Variants in PCDHGA1 observed in about 807,000 individuals in gnomAD.
PCDHGA1 encodes protocadherin gamma-A1.
Under a neutral mutation model 58.0 loss-of-function variants are expected in PCDHGA1, and 32 were observed. That is an observed-to-expected ratio of 0.55 (90% confidence interval 0.42 to 0.74). The LOEUF is 0.74. Ranked by LOEUF, PCDHGA1 falls within the 30% of genes least tolerant of loss-of-function variation. The pLI, the probability that PCDHGA1 is intolerant of heterozygous loss-of-function variation, is 0.00. For missense variants in PCDHGA1, 1,205 were observed against 1,182.3 expected (o/e 1.02, Z -0.28); for synonymous variants, 498 against 501.1 (o/e 0.99, Z 0.08).
At chr5:141,339,632 G>A in intron 1 of PCDHGA1, 1 of 1,614,194 alleles carries the variant, frequency 6.2e-7, no homozygotes, top group South Asian at 1.1e-5. Flanking sequence ...GGGTGACCCA[G>A]TGCTATCTGG....
intron 1 of PCDHGA1, among the ~76,000 whole-genome samples, chr5:141,382,367 C>T (rs778668401): frequency 8.6e-5 from 13 of 151,894 alleles, no homozygotes; most frequent in African/African-American, 3.1e-4. Flanking sequence ...TAAAATTTAC[C>T]TTTTTGCCTT....
At chr5:141,352,364 G>A (rs758290229) in intron 1 of PCDHGA1, 1 of 1,613,988 alleles carries the variant, frequency 6.2e-7, no homozygotes, top group South Asian at 1.1e-5. Flanking sequence ...CTTTCTCCTC[G>A]CGGTGATTCT....
chr5:141,399,610 C>T, intron 1 of PCDHGA1: 1 of 1,613,946 alleles, frequency 6.2e-7, no homozygotes, highest in Non-Finnish European at 8.5e-7. Flanking sequence ...CCTAGAGCCT[C>T]TGGCACTGGC....
intron 1 of PCDHGA1, chr5:141,339,668 C>G (rs747182196): frequency 6.2e-7 from 1 of 1,614,210 alleles, no homozygotes; most frequent in Non-Finnish European, 8.5e-7. Flanking sequence ...CGTGAAGGTC[C>G]TGGATGCGAA....
chr5:141,423,864 G>A (rs180692491), intron 1 of PCDHGA1: 551 of 1,284,224 alleles, frequency 4.3e-4, no homozygotes, highest in Non-Finnish European at 5.0e-4. Context: ...TTTTGTGAAA[G>A]TCATTTTTCA....
chr5:141,399,195 G>A (rs773731727), intron 1 of PCDHGA1: 5 of 1,613,852 alleles, frequency 3.1e-6, no homozygotes, highest in Non-Finnish European at 4.2e-6. Context: ...TGGAAAACGC[G>A]GTGCCTGGAA....
intron 1 of PCDHGA1, chr5:141,361,636 A>C (rs767493690): frequency 3.1e-6 from 5 of 1,613,756 alleles, no homozygotes; most frequent in East Asian, 2.2e-5. Flanking sequence ...GCCGCGGGAG[A>C]TTTTATCCTA....
rs1203319140 is a variant in PCDHGA1, at chr5:141,357,321, T to C, written c.2421+24216T>C. 3 of 1,613,998 alleles carry C rather than the reference T, an allele frequency of 1.9e-6. No individual in the cohort carries two copies. In the African/African-American group the frequency reaches 4.0e-5, roughly 22 times the overall value. On this transcript the variant is annotated intron_variant, in intron 1 of 3. Coordinates refer to ENST00000517417, the MANE Select transcript of PCDHGA1 (RefSeq NM_018912.3). ...CTGTCTCCTGCGTCTTCCTGGCTTT[T>C]GTCACGGTGCTGCTAGCACTCAAGC...
chr5:141,452,133 A>C (rs2098734490), intron 1 of PCDHGA1, among the ~76,000 whole-genome samples: 1 of 152,136 alleles, frequency 6.6e-6, no homozygotes, highest in Admixed American at 6.5e-5. Flanking sequence ...TATATGGCTC[A>C]TGTGTTTTTT....
Position 141,375,861 on chromosome 5 carries a change from C to A in PCDHGA1, c.2421+42756C>A, listed in dbSNP as rs567912144. 1.5e-5 allele frequency: 24 copies of A among 1,613,986 alleles called. 2 individuals are homozygous for A. In the South Asian group the frequency reaches 2.0e-4, roughly 13 times the overall value. On this transcript the variant is annotated intron_variant, in intron 1 of 3. Coordinates refer to ENST00000517417, the MANE Select transcript of PCDHGA1 (RefSeq NM_018912.3). ...GGCTACCTGGTGACCAAGGTGGTGG[C>A]GGTGGACAGAGACTCGGGCCAGAAC...
chr5:141,494,643 AG>A, intron 1 of PCDHGA1, 163 bp from the exon 2 acceptor site: 1 of 928,048 alleles, frequency 1.1e-6, no homozygotes, highest in Non-Finnish European at 1.3e-6. Flanking sequence ...CTGAGACCTG[AG>A]GTGTATTTTG....
intron 1 of PCDHGA1, chr5:141,421,399 C>T (rs777999539): frequency 1.2e-6 from 2 of 1,613,928 alleles, no homozygotes; most frequent in East Asian, 2.2e-5. Flanking sequence ...GCTGGAGCCC[C>T]GGGAGCTGGC....
intron 1 of PCDHGA1, chr5:141,356,486 C>T (rs978605314): frequency 1.2e-6 from 2 of 1,613,992 alleles, no homozygotes; most frequent in South Asian, 1.1e-5. Flanking sequence ...GACCAGGGAA[C>T]TCCTCCACTG....
intron 1 of PCDHGA1, chr5:141,409,276 G>T: frequency 6.2e-7 from 1 of 1,614,000 alleles, no homozygotes; most frequent in Non-Finnish European, 8.5e-7. Flanking sequence ...AGATTTTGGA[G>T]AATTCACCTC....
At chr5:141,345,189 G>A in intron 1 of PCDHGA1, 1 of 1,613,922 alleles carries the variant, frequency 6.2e-7, no homozygotes, top group Non-Finnish European at 8.5e-7. Context: ...TGAAGTTTTT[G>A]TCCTGGGAAA....
intron 1 of PCDHGA1, among the ~76,000 whole-genome samples, chr5:141,348,599 T>G (rs1054314793): frequency 6.6e-6 from 1 of 152,172 alleles, no homozygotes; most frequent in Non-Finnish European, 1.5e-5. Context: ...ACTGAGAGTA[T>G]GGAACCCATA....
At chr5:141,391,358 G>T (rs2150448712) in intron 1 of PCDHGA1, 1 of 150,474 alleles carries the variant, frequency 6.6e-6, no homozygotes, top group East Asian at 1.9e-4. Context: ...TGTTACTCAG[G>T]CTGTAGTGCA....
chr5:141,381,890 T>C (rs1471901059), intron 1 of PCDHGA1, among the ~76,000 whole-genome samples: 1 of 139,844 alleles, frequency 7.2e-6, no homozygotes, highest in African/African-American at 2.7e-5. Context: ...AGTGCAATGG[T>C]GTGATCTCGG....
At chr5:141,349,144 C>T (rs1196382576) in intron 1 of PCDHGA1, among the ~76,000 whole-genome samples, 2 of 152,162 alleles carry the variant, frequency 1.3e-5, no homozygotes, top group African/African-American at 4.8e-5. Context: ...GATCTCAACT[C>T]ACTGCAACCT....
Sources: allele counts gnomAD v4.1 joint callset (sites outside exome capture counted in the v4.1 genomes callset), GRCh38; gene constraint gnomAD v4.1.1; transcripts MANE v1.5; gene names NCBI Gene and HGNC (gene_info 2026-07-23, HGNC 2026-07-21).